The following ADAMTS6 variants were observed in gnomAD, a reference collection of about 807,000 sequenced individuals.
The protein encoded by ADAMTS6 is A disintegrin and metalloproteinase with thrombospondin motifs 6.
Under a neutral mutation model 144.3 loss-of-function variants are expected in ADAMTS6, and 23 were observed. The ratio of observed to expected loss-of-function variants is 0.16; its 90% CI spans 0.11 to 0.23. The LOEUF (loss-of-function observed/expected upper bound fraction) is 0.23, where lower values mean the gene tolerates loss of function less well. Among genes scored for constraint, ADAMTS6 ranks in the 10% least tolerant of loss-of-function variants. ADAMTS6 has a pLI of 1.00. For synonymous variants in ADAMTS6, 444 were observed against 457.5 expected, an observed-to-expected ratio of 0.97 and a Z score of 0.38; for missense variants, 999 against 1,379.6, an observed-to-expected ratio of 0.72 and a Z score of 4.37.
chr5:65,271,032 A>T (rs1261260695), intron 12 of ADAMTS6, among the ~76,000 whole-genome samples: 1 of 152,168 alleles, frequency 6.6e-6, no homozygotes, highest in African/African-American at 2.4e-5. Context: ...TTTAGAAATC[A>T]AATATATTTT....
intron 3 of ADAMTS6, 149 bp downstream of exon 3, chr5:65,470,629 A>G: frequency 2.1e-6 from 1 of 487,376 alleles, no homozygotes; most frequent in Non-Finnish European, 3.1e-6. Flanking sequence ...AATCAAAGGC[A>G]GCAGAAATAG....
chr5:65,370,129 G>T (rs1750712093), intron 7 of ADAMTS6, among the ~76,000 whole-genome samples: 1 of 152,092 alleles, frequency 6.6e-6, no homozygotes, highest in Non-Finnish European at 1.5e-5. Context: ...AATAAAAGCG[G>T]CCAGGCACGG....
chr5:65,243,439 G>A (rs967074834), intron 14 of ADAMTS6, among the ~76,000 whole-genome samples: 1 of 152,058 alleles, frequency 6.6e-6, no homozygotes, highest in Non-Finnish European at 1.5e-5. Context: ...CAAGTCCAAA[G>A]CCTCAGATTC....
At chr5:65,254,126 C>A (rs749611282) in intron 14 of ADAMTS6, among the ~76,000 whole-genome samples, 11 of 151,878 alleles carry the variant, frequency 7.2e-5, no homozygotes, top group Non-Finnish European at 1.2e-4. Context: ...ATTACAGGAG[C>A]GAGCCACCAC....
At chr5:65,333,709 A>T (rs1176185614) in intron 8 of ADAMTS6, among the ~76,000 whole-genome samples, 1 of 149,740 alleles carries the variant, frequency 6.7e-6, no homozygotes, top group African/African-American at 2.5e-5. Context: ...CATTACAGAG[A>T]TAGATTATAT....
intron 7 of ADAMTS6, among the ~76,000 whole-genome samples, chr5:65,397,995 G>T (rs1421196282): frequency 6.6e-6 from 1 of 151,584 alleles, no homozygotes; most frequent in Non-Finnish European, 1.5e-5. Context: ...AACAGATATT[G>T]TATGATATCT....
intron 9 of ADAMTS6, among the ~76,000 whole-genome samples, chr5:65,318,138 T>C (rs1745200941): frequency 6.7e-6 from 1 of 149,610 alleles, no homozygotes; most frequent in South Asian, 2.1e-4. Context: ...TTGTTCAATA[T>C]AATTGATCAT....
chr5:65,376,713 C>A (rs1291894963), intron 7 of ADAMTS6, among the ~76,000 whole-genome samples: 1 of 151,864 alleles, frequency 6.6e-6, no homozygotes, highest in African/African-American at 2.4e-5. Context: ...TACATGTGGC[C>A]CCAGCTACTT....
chr5:65,361,329 T>C (rs1749803863), intron 7 of ADAMTS6, among the ~76,000 whole-genome samples: 1 of 152,208 alleles, frequency 6.6e-6, no homozygotes, highest in South Asian at 2.1e-4. Flanking sequence ...TGTCTCAGTA[T>C]TCCAAAGACA....
At chr5:65,239,715 T>A (rs867610801) in intron 15 of ADAMTS6, among the ~76,000 whole-genome samples, 3 of 152,056 alleles carry the variant, frequency 2.0e-5, no homozygotes, top group Non-Finnish European at 4.4e-5. Flanking sequence ...AAGATTTGAA[T>A]AGACAGTACA....
chr5:65,178,045 C>G (rs1251661024), intron 22 of ADAMTS6, among the ~76,000 whole-genome samples: 1 of 152,162 alleles, frequency 6.6e-6, no homozygotes, highest in Non-Finnish European at 1.5e-5. Context: ...ACTTAGCTTC[C>G]TTGGAGACCT....
At chr5:65,440,380 G>C (rs1259714761) in intron 7 of ADAMTS6, among the ~76,000 whole-genome samples, 1 of 152,162 alleles carries the variant, frequency 6.6e-6, no homozygotes, top group Non-Finnish European at 1.5e-5. Flanking sequence ...AGTAAACAAA[G>C]TGAGCCCTAA....
chr5:65,320,889 T>G (rs532322480), intron 9 of ADAMTS6, among the ~76,000 whole-genome samples: 2 of 152,346 alleles, frequency 1.3e-5, no homozygotes, highest in African/African-American at 4.8e-5. Flanking sequence ...CTCATTCTTT[T>G]TTATGGCTGC....
chr5:65,271,603 C>T (rs1293293543), intron 12 of ADAMTS6, among the ~76,000 whole-genome samples: 1 of 151,958 alleles, frequency 6.6e-6, no homozygotes, highest in East Asian at 1.9e-4. Flanking sequence ...GTATTAAATA[C>T]GTATTTACAA....
At chr5:65,259,273 C>T (rs1760958872) in intron 14 of ADAMTS6, among the ~76,000 whole-genome samples, 2 of 151,718 alleles carry the variant, frequency 1.3e-5, no homozygotes, top group South Asian at 4.2e-4. Flanking sequence ...CTCGGGAGGC[C>T]AAGGCAGGAG....
At chr5:65,480,698 T>TA (rs1463670300) in intron 1 of ADAMTS6, among the ~76,000 whole-genome samples, 1 of 152,152 alleles carries the variant, frequency 6.6e-6, no homozygotes, top group Non-Finnish European at 1.5e-5. Context: ...TTTGGTCCCA[T>TA]ACACCATATA....
Position 65,157,759 on chromosome 5 carries a change from AACTCAGTGT to A in ADAMTS6, c.3245-5823_3245-5815del, listed in dbSNP as rs574814113. ...CACAGGAGTTGGGGTGGGGAATGTG[AACTCAGTGT>A]ACTTCTCCTAATAAAGTTGTACTTG... On this transcript the variant is annotated intron_variant, in intron 24 of 24. Coordinates refer to ENST00000381055, the MANE Select transcript of ADAMTS6 (RefSeq NM_197941.4). Among the ~76,000 whole-genome samples the A allele has an allele frequency of 2.8e-3, 419 of 152,310 alleles. 1 individual carries two copies. The highest frequency in any genetic ancestry group is 4.2e-3 in the Non-Finnish European group (288 of 68,020).
intron 7 of ADAMTS6, among the ~76,000 whole-genome samples, chr5:65,396,248 T>C (rs1281719159): frequency 6.6e-6 from 1 of 152,332 alleles, no homozygotes; most frequent in East Asian, 1.9e-4. Context: ...AAGGATATCA[T>C]TTCTTGTTTC....
At chr5:65,269,845 G>A (rs998214098) in intron 12 of ADAMTS6, among the ~76,000 whole-genome samples, 1 of 150,702 alleles carries the variant, frequency 6.6e-6, no homozygotes, top group Non-Finnish European at 1.5e-5. Flanking sequence ...AGGCTGGAGG[G>A]CAATGGCGTG....
Sources: gnomAD v4.1 joint callset for allele counts (sites outside exome capture counted in the v4.1 genomes callset) on GRCh38, gnomAD v4.1.1 for gene constraint, MANE v1.5 for transcripts, NCBI Gene and HGNC (gene_info 2026-07-23, HGNC 2026-07-21) for gene names.